DNAJC3: variants seen among roughly 807,000 people sequenced by gnomAD.
DNAJC3 encodes the protein dnaJ homolog subfamily C member 3.
DNAJC3 carries 38 observed loss-of-function variants against 68.6 expected under a neutral mutation model. The observed-to-expected ratio is 0.55, with a 90% CI of 0.43 to 0.73. The LOEUF (loss-of-function observed/expected upper bound fraction) is 0.73. DNAJC3 is among the 30% of genes least tolerant of loss of function. The pLI, the probability that DNAJC3 is intolerant of heterozygous loss-of-function variation, is 0.00. For missense variants in DNAJC3, 526 were observed against 591.9 expected (o/e 0.89, Z 1.16); for synonymous variants, 203 against 204.0 (o/e 1.00, Z 0.04).
At chr13:95,740,297 T>A (rs1230563167) in intron 4 of DNAJC3, among the ~76,000 whole-genome samples, 2 of 152,370 alleles carry the variant, frequency 1.3e-5, no homozygotes, top group South Asian at 4.1e-4. Flanking sequence ...AGGTGGAGCC[T>A]ACAGAGGCAG....
At position 95,782,963 on chromosome 13, in the gene DNAJC3, T is replaced by G. The variant is rs187951555; in HGVS notation, c.1076-2976T>G. Among the ~76,000 whole-genome samples the G allele has an allele frequency of 1.3e-3, 203 of 152,354 alleles. 1 individual carries two copies. Among genetic ancestry groups the G allele is most frequent in the African/African-American group, 3.6e-3 (149 of 41,590 alleles). On this transcript the variant is annotated intron_variant, in intron 9 of 11. Transcript: ENST00000602402. Reference sequence around the variant, plus strand: ...TGGTTTTATGTCTTACGTTTAAGTCTTTAGTCCACCTCGAGTTAATTTTTG... The same window carrying G: ...TGGTTTTATGTCTTACGTTTAAGTCGTTAGTCCACCTCGAGTTAATTTTTG...
At chr13:95,726,280 T>C (rs1881517571) in intron 4 of DNAJC3, among the ~76,000 whole-genome samples, 1 of 152,194 alleles carries the variant, frequency 6.6e-6, no homozygotes, top group East Asian at 1.9e-4. Flanking sequence ...AACTAGTTTA[T>C]AGTCCCACCA....
intron 4 of DNAJC3, among the ~76,000 whole-genome samples, chr13:95,726,072 C>T (rs923002325): frequency 2.6e-4 from 40 of 151,896 alleles, no homozygotes; most frequent in East Asian, 1.9e-3. Flanking sequence ...TCCAGTCTAT[C>T]GTTGTTGGAC....
At chr13:95,768,927 A>G (rs1883085040) in intron 9 of DNAJC3, among the ~76,000 whole-genome samples, 1 of 152,128 alleles carries the variant, frequency 6.6e-6, no homozygotes, top group Non-Finnish European at 1.5e-5. Flanking sequence ...GTGAGCCGAG[A>G]TCACGCCATT....
intron 9 of DNAJC3, among the ~76,000 whole-genome samples, chr13:95,772,148 T>C (rs1883175820): frequency 6.6e-6 from 1 of 152,180 alleles, no homozygotes; most frequent in Non-Finnish European, 1.5e-5. Context: ...AAACTTTATT[T>C]TGAAAAACAG....
At chr13:95,739,807 C>G (rs1882062490) in intron 4 of DNAJC3, among the ~76,000 whole-genome samples, 1 of 152,200 alleles carries the variant, frequency 6.6e-6, no homozygotes, top group Admixed American at 6.5e-5. Context: ...CTTCTTCTCT[C>G]AGCTCGTCAA....
intron 1 of DNAJC3, among the ~76,000 whole-genome samples, chr13:95,701,286 T>C (rs1311051920): frequency 8.5e-5 from 13 of 152,204 alleles, no homozygotes; most frequent in Admixed American, 3.3e-4. Context: ...CTTTGTCATA[T>C]TGGTTATTTA....
At chr13:95,700,428 T>G (rs1880554203) in intron 1 of DNAJC3, among the ~76,000 whole-genome samples, 2 of 152,036 alleles carry the variant, frequency 1.3e-5, no homozygotes, top group South Asian at 4.2e-4. Context: ...TTTGGGAGGG[T>G]ATGTTCTGAG....
chr13:95,789,378 A>G (rs1883698002), intron 11 of DNAJC3, among the ~76,000 whole-genome samples: 1 of 152,062 alleles, frequency 6.6e-6, no homozygotes, highest in East Asian at 1.9e-4. Flanking sequence ...CTCATCATTT[A>G]GCTCCCACTT....
intron 4 of DNAJC3, among the ~76,000 whole-genome samples, chr13:95,737,199 G>C (rs1364104670): frequency 1.3e-5 from 2 of 151,626 alleles, no homozygotes; most frequent in Non-Finnish European, 3.0e-5. Flanking sequence ...GAAGCTTTTT[G>C]ATGTGCTGCT....
chr13:95,714,567 G>A (rs60064299), intron 2 of DNAJC3, among the ~76,000 whole-genome samples: 2,604 of 152,246 alleles, frequency 0.017, 80 homozygotes, highest in African/African-American at 0.06. Context: ...TTTGCATTTC[G>A]ATGACTAACT....
intron 6 of DNAJC3, 43 bp downstream of exon 6, chr13:95,760,264 G>C: frequency 2.8e-6 from 4 of 1,424,560 alleles, no homozygotes; most frequent in Non-Finnish European, 3.7e-6. Flanking sequence ...TTTAATTGTT[G>C]GCAGTAAGAT....
rs371703147 is a variant in DNAJC3 at position 95,769,497 on chromosome 13, TAAC to T, written c.1075+5545_1075+5547del. 3.5e-3 allele frequency among the ~76,000 whole-genome samples: 540 copies of T among 152,368 alleles called. 3 individuals carry two copies. The highest frequency in any genetic ancestry group is 0.012 in the African/African-American group (514 of 41,600). On this transcript the variant is annotated intron_variant, in intron 9 of 11. Transcript: ENST00000602402. ...TGCCATTCTTTATACAACATCATAA[TAAC>T]CATGGACACATGTAATCAGAATCTA...
intron 3 of DNAJC3, among the ~76,000 whole-genome samples, chr13:95,723,735 A>G (rs1156710222): frequency 6.6e-6 from 1 of 152,198 alleles, no homozygotes; most frequent in Admixed American, 6.5e-5. Context: ...TTAAGGCTGT[A>G]CCAGGAAGAA....
intron 9 of DNAJC3, among the ~76,000 whole-genome samples, chr13:95,779,375 C>CCTT: frequency 6.6e-6 from 1 of 152,054 alleles, no homozygotes; most frequent in Non-Finnish European, 1.5e-5. Flanking sequence ...CTGCCCACTG[C>CCTT]GGCCTCCCAA....
intron 1 of DNAJC3, among the ~76,000 whole-genome samples, chr13:95,690,838 G>A (rs1161066456): frequency 1.5e-5 from 2 of 133,582 alleles, no homozygotes; most frequent in Non-Finnish European, 3.3e-5. Flanking sequence ...CCGGGCAGAG[G>A]GGCTCCTCAC....
chr13:95,729,961 A>C (rs148098651), intron 4 of DNAJC3, among the ~76,000 whole-genome samples: 2 of 151,968 alleles, frequency 1.3e-5, no homozygotes, highest in Non-Finnish European at 2.9e-5. Flanking sequence ...TTGTCTGTCC[A>C]CTCTGTTGAT....
rs557831394 is a variant in DNAJC3, at chr13:95,766,397, A to G, written c.1075+2444A>G. On this transcript the variant is annotated intron_variant, in intron 9 of 11. Coordinates refer to ENST00000602402, the MANE Select transcript of DNAJC3 (RefSeq NM_006260.5). ...CAGATCGCTACATGTCTCTGTTTTA[A>G]TAGCTTTTGAGAGGAAAAAACTGAC... Among the ~76,000 whole-genome samples, 30 of 152,328 alleles carry G rather than the reference A, an allele frequency of 2.0e-4. No homozygotes were observed. In the South Asian group the frequency reaches 5.8e-3, roughly 29 times the overall value.
intron 6 of DNAJC3, among the ~76,000 whole-genome samples, 160 bp from the exon 7 acceptor site, chr13:95,760,519 G>A (rs1017044392): frequency 1.3e-5 from 2 of 152,108 alleles, no homozygotes; most frequent in African/African-American, 4.8e-5. Flanking sequence ...TGTATGCATG[G>A]TACAATGCCA....
Sources: allele counts gnomAD v4.1 joint callset (sites outside exome capture counted in the v4.1 genomes callset), GRCh38; gene constraint gnomAD v4.1.1; transcripts MANE v1.5; gene names NCBI Gene and HGNC (gene_info 2026-07-23, HGNC 2026-07-21).